The following FZR1 variants were observed in gnomAD, a reference collection of about 807,000 sequenced individuals.
FZR1 encodes fizzy-related protein homolog.
A neutral mutation model predicts 63.6 loss-of-function variants in FZR1; 11 were observed. The observed-to-expected ratio is 0.17, with a 90% CI of 0.11 to 0.29. FZR1 has a LOEUF of 0.29. Among genes scored for constraint, FZR1 ranks in the 10% least tolerant of loss-of-function variants. The pLI is 1.00. For missense variants in FZR1, 440 were observed against 687.5 expected, an observed-to-expected ratio of 0.64 and a Z score of 4.03; for synonymous variants, 328 against 297.9, an observed-to-expected ratio of 1.10 and a Z score of -1.04.
rs1041037038 is a variant in FZR1 at position 3,525,197 on chromosome 19, G to C, written c.70-671G>C. ...GAGACGGTGAATGCATGGCACCTGC[G>C]CAGCGTTGGGAGGGCAGTTGGGGTC... On this transcript the variant is annotated intron_variant, in intron 2 of 13. Transcript: ENST00000441788. The surrounding 1 kb of genome is among the most constrained non-coding windows in gnomAD (Gnocchi z 4.2). 6.6e-6 allele frequency among the ~76,000 whole-genome samples: 1 copy of C among 152,100 alleles called. No homozygotes were observed. The highest frequency in any genetic ancestry group is 6.5e-5 in the Admixed American group (1 of 15,276).
At chr19:3,521,162 G>C (rs2083098385) in intron 1 of FZR1, 1 of 152,312 alleles carries the variant, frequency 6.6e-6, no homozygotes, top group South Asian at 2.1e-4. Context: ...GTGCGTCTGT[G>C]AGCATTTGTG....
intron 1 of FZR1, among the ~76,000 whole-genome samples, chr19:3,518,686 T>G (rs2083076867): frequency 6.6e-6 from 1 of 152,198 alleles, no homozygotes; most frequent in African/African-American, 2.4e-5. Flanking sequence ...CAGCTAGTTG[T>G]TGGGGGCCAC....
Position 3,533,972 on chromosome 19 carries a change from C to T in FZR1, c.1348-449C>T, listed in dbSNP as rs1019053493. On this transcript the variant is annotated intron_variant, in intron 12 of 13. Coordinates refer to ENST00000441788, the MANE Select transcript of FZR1 (RefSeq NM_016263.4). This position sits in a 1 kb window ranked among gnomAD's most constrained non-coding sequence, Gnocchi z 4.9. The stretch of plus-strand genomic sequence containing the variant: ...GTGCGGTGGCTCACGCCTGTAATCC[C>T]TGCACTTCAGGAAGCCAGGGTGGGA... 1.3e-5 allele frequency among the ~76,000 whole-genome samples: 2 copies of T among 152,176 alleles called. No individual in the cohort carries two copies. Among genetic ancestry groups the T allele is most frequent in the Non-Finnish European group, 1.5e-5 (1 of 68,038 alleles).
Position 3,525,821 on chromosome 19 carries a change from G to A in FZR1, c.70-47G>A, listed in dbSNP as rs774059225. ...GAGAGGCTGGCCTGGGGGCACTCTC[G>A]GGGGGCTCTCGGTGCTGAGAGCAAG... is the stretch of plus-strand genomic sequence containing the variant. On this transcript the variant is annotated intron_variant, in intron 2 of 13. Coordinates refer to ENST00000441788, the MANE Select transcript of FZR1 (RefSeq NM_016263.4). This position sits in a 1 kb window ranked among gnomAD's most constrained non-coding sequence, Gnocchi z 4.2. 39 of 1,595,094 alleles carry A rather than the reference G, an allele frequency of 2.4e-5. No individual in the cohort carries two copies. In the East Asian group the frequency reaches 5.6e-4, roughly 23 times the overall value.
Position 3,537,848 on chromosome 19 carries a change from G to A in FZR1, c.*3012G>A, listed in dbSNP as rs1029132921. 9 of 152,630 alleles carry A rather than the reference G, an allele frequency of 5.9e-5. No individual in the cohort carries two copies. Among genetic ancestry groups the A allele is most frequent in the Admixed American group, 5.2e-4 (8 of 15,290 alleles). 9.5% of individuals were successfully genotyped at this position (152,630 alleles called of 1,614,324 possible). A position where few individuals can be genotyped will look rare whatever the true frequency, so the allele number is the denominator to read the frequency against. On this transcript the variant is annotated 3_prime_UTR_variant, in exon 14 of 14. Coordinates refer to ENST00000441788, the MANE Select transcript of FZR1 (RefSeq NM_016263.4). ...AGAGAAGCTTATGAGGAAGTGAGGAGGTGGCGTCACAAGGGTGGGGAGGGG... is the reference window on the plus strand; with the variant it reads ...AGAGAAGCTTATGAGGAAGTGAGGAAGTGGCGTCACAAGGGTGGGGAGGGG...
In FZR1 at chr19:3,515,399, C is replaced by T. The variant is rs2083051674; in HGVS notation, c.-34-7557C>T. On this transcript the variant is annotated intron_variant, in intron 1 of 13. Transcript: ENST00000441788. The surrounding 1 kb of genome is among the most constrained non-coding windows in gnomAD (Gnocchi z 4.6). The stretch of plus-strand genomic sequence containing the variant: ...GGGAGAATGCGGTGGTGCCCGGTCT[C>T]ATCCGGAGCCTGCCTGGCCCATCTC... 6.6e-6 allele frequency among the ~76,000 whole-genome samples: 1 copy of T among 152,184 alleles called. No individual in the cohort carries two copies. The highest frequency in any genetic ancestry group is 2.1e-4 in the South Asian group (1 of 4,830).
At chr19:3,512,863 A>C (rs1439259016) in intron 1 of FZR1, among the ~76,000 whole-genome samples, 1 of 151,512 alleles carries the variant, frequency 6.6e-6, no homozygotes, top group Non-Finnish European at 1.5e-5. Context: ...CATAAATGAC[A>C]CTCCTGGGCG....
At chr19:3,529,499 TGAGCGGATGGGA>T (rs1195315576) in intron 7 of FZR1, among the ~76,000 whole-genome samples, 4 of 86,312 alleles carry the variant, frequency 4.6e-5, no homozygotes, top group African/African-American at 1.7e-4. Context: ...AGCAGATGGG[TGAGCGGATGGGA>T]GAGCAGATGG....
intron 7 of FZR1, among the ~76,000 whole-genome samples, chr19:3,530,500 A>G (rs28454918): frequency 0.094 from 11,008 of 116,540 alleles, 1,172 homozygotes; most frequent in Middle Eastern, 0.19. Context: ...GAGCGGATGC[A>G]AGAGTGGATG....
chr19:3,513,354 C>A (rs1330918607), intron 1 of FZR1, among the ~76,000 whole-genome samples: 2 of 152,202 alleles, frequency 1.3e-5, no homozygotes, highest in Non-Finnish European at 1.5e-5. Context: ...CAGTGCCTTG[C>A]AGCTTCCCCG....
Position 3,531,641 on chromosome 19 carries a change from G to A in FZR1, c.721-73G>A, listed in dbSNP as rs926879295. On this transcript the variant is annotated intron_variant, in intron 8 of 13. Coordinates refer to ENST00000441788, the MANE Select transcript of FZR1 (RefSeq NM_016263.4). ...CCCTGGTGAGGAGAGAGCCTGGCGC[G>A]ACCAACGCCAGGACGGGCACAGTCC... 4.3e-5 allele frequency: 46 copies of A among 1,063,030 alleles called. No individual in the cohort carries two copies. The Admixed American group carries it at 7.6e-4, about 18-fold the overall frequency. 65.8% of individuals were successfully genotyped at this position (1,063,030 alleles called of 1,614,324 possible).
At chr19:3,530,998 C>T (rs2083241369) in intron 8 of FZR1, 141 bp downstream of exon 8, 1 of 630,884 alleles carries the variant, frequency 1.6e-6, no homozygotes. Context: ...CCCACTGTCC[C>T]CGGCCTTAGT....
At chr19:3,513,576 A>G (rs2083038433) in intron 1 of FZR1, among the ~76,000 whole-genome samples, 1 of 152,216 alleles carries the variant, frequency 6.6e-6, no homozygotes, top group South Asian at 2.1e-4. Context: ...CATTCAGTCA[A>G]GCACACTGAG....
chr19:3,510,060 C>T (rs1411232302), intron 1 of FZR1, among the ~76,000 whole-genome samples: 6 of 152,090 alleles, frequency 3.9e-5, no homozygotes, highest in Admixed American at 6.6e-5. Context: ...CCAACCTTTC[C>T]ACCTTGTCCT....
At position 3,527,663 on chromosome 19, in the gene FZR1, C is replaced by A; in HGVS notation, c.503C>A (p.Thr168Asn). ...QKLLRSPRKP[T>N]RKISKIPFKV... ...CTGCTCCGGTCCCCCCGGAAACCCA[C>A]CCGCAAGATCTCCAAGATCCCCTTC... The change falls in exon 7 of 14, where the codon ACC (threonine) becomes AAC (asparagine). Residue 168 changes from threonine (T) to asparagine (N), a missense_variant. Around this residue, in one of 5 missense-constraint regions of FZR1, gnomAD observed 200 missense variants for 245.1 expected, o/e 0.82. Transcript: ENST00000441788. 2 of 1,611,278 alleles carry A rather than the reference C, an allele frequency of 1.2e-6. No homozygotes were observed. The highest frequency in any genetic ancestry group is 1.1e-5 in the South Asian group (1 of 91,070).
chr19:3,531,474 G>A lies in FZR1; in HGVS notation c.721-240G>A, dbSNP rs370259095. Among the ~76,000 whole-genome samples the A allele has an allele frequency of 7.9e-5, 12 of 152,378 alleles. 1 individual carries two copies. In the South Asian group the frequency reaches 2.5e-3, roughly 32 times the overall value. ...GAAATGTCCATGTGGGAAGGTCCAC[G>A]TACCGAGTCTTGGCTGGACTCTGAG... is the stretch of plus-strand genomic sequence containing the variant. On this transcript the variant is annotated intron_variant, in intron 8 of 13. Transcript: ENST00000441788.
At chr19:3,532,301 G>A in intron 10 of FZR1, 116 bp from the exon 11 acceptor site, 2 of 881,952 alleles carry the variant, frequency 2.3e-6, no homozygotes, top group Non-Finnish European at 1.7e-6. Flanking sequence ...GGTCCTTGAG[G>A]GAGCAGCAGG....
intron 8 of FZR1, 142 bp from the exon 9 acceptor site, chr19:3,531,572 G>A (rs553576903): frequency 2.5e-4 from 157 of 619,162 alleles, no homozygotes; most frequent in South Asian, 2.1e-3. Context: ...TGCTTCTTCC[G>A]AAGGGACGTG....
At chr19:3,510,813 C>T (rs552347971) in intron 1 of FZR1, among the ~76,000 whole-genome samples, 2 of 152,358 alleles carry the variant, frequency 1.3e-5, no homozygotes, top group African/African-American at 4.8e-5. Flanking sequence ...TGTGCATTGT[C>T]ACAACTGGGG....
Sources: gnomAD v4.1 joint callset for allele counts (sites outside exome capture counted in the v4.1 genomes callset) on GRCh38, gnomAD v4.1.1 for gene constraint, gnomAD v4.1.1 regional missense constraint, Gnocchi (gnomAD v3.1) non-coding constraint, MANE v1.5 for transcripts, NCBI Gene and HGNC (gene_info 2026-07-23, HGNC 2026-07-21) for gene names.